The following PIGG variants were observed in gnomAD, a reference collection of about 807,000 sequenced individuals.
PIGG encodes phosphatidylinositol glycan anchor biosynthesis class G (EMM blood group).
In PIGG, 70 loss-of-function variants were observed where a neutral mutation model predicts 83.2. The ratio of observed to expected loss-of-function variants is 0.84; its 90% CI spans 0.69 to 1.03. The LOEUF is 1.03. PIGG is among the 50% of genes least tolerant of loss of function. PIGG has a pLI of 0.00. For synonymous variants in PIGG, 532 were observed against 519.5 expected (o/e 1.02, Z -0.33); for missense variants, 1,257 against 1,233.6 (o/e 1.02, Z -0.28).
At position 528,830 on chromosome 4, in the gene PIGG, T is replaced by G; in HGVS notation, c.2261+1600T>G. 1.6e-6 allele frequency: 1 copy of G among 608,330 alleles called. No homozygotes were observed. Among genetic ancestry groups the G allele is most frequent in the Non-Finnish European group, 2.1e-6 (1 of 485,504 alleles). The allele number at this position is 608,330 out of a possible 1,614,324, so 37.7% of individuals were successfully genotyped here. A position where few individuals can be genotyped will look rare whatever the true frequency, so the allele number is the denominator to read the frequency against. On this transcript the variant is annotated intron_variant, in intron 10 of 12. Coordinates refer to ENST00000453061, the MANE Select transcript of PIGG (RefSeq NM_001127178.3). This position sits in a 1 kb window ranked among gnomAD's most constrained non-coding sequence, Gnocchi z 4.8. ...TGCTAGTGTCCAGAACTAGCCAGTG[T>G]GCCTTTTCTTTCCACACGCACTGCC...
In PIGG at chr4:500,593, C is replaced by T. The variant is rs782124562; in HGVS notation, c.352C>T (p.Arg118Ter). The change falls in exon 2 of 13, where the codon CGA becomes TGA. Residue 118 changes from arginine to a stop codon, truncating the protein, a stop_gained. Transcript: ENST00000453061. LOFTEE classifies it high-confidence loss of function. ...AAAGCCACCTACAGTTACTATGCCT[C>T]GAATCAAGGTAAGTTTGCCTTAATG... ...EAKPPTVTMP[R>*]IKALMTGSLP... 29 of 1,595,230 alleles carry T rather than the reference C, an allele frequency of 1.8e-5. No homozygotes were observed. Among genetic ancestry groups the T allele is most frequent in the Non-Finnish European group, 2.4e-5 (28 of 1,162,988 alleles).
rs1727843012 is a variant in PIGG, at chr4:527,091, G to A, written c.2122G>A (p.Val708Ile). 6.2e-7 allele frequency: 1 copy of A among 1,613,968 alleles called. No individual in the cohort carries two copies. The highest frequency in any genetic ancestry group is 8.5e-7 in the Non-Finnish European group (1 of 1,179,962). The change falls in exon 10 of 13, where the codon GTT (valine) becomes ATT (isoleucine). Residue 708 changes from valine (V) to isoleucine (I), a missense_variant. Coordinates refer to ENST00000453061, the MANE Select transcript of PIGG (RefSeq NM_001127178.3). ...SVLAALSLLVVFVLVQRGCSP... is the reference protein window; with the variant it reads ...SVLAALSLLVIFVLVQRGCSP... The stretch of plus-strand genomic sequence containing the variant: ...CCTGGCTGCCCTCTCCCTCCTCGTA[G>A]TTTTTGTGCTGGTGCAGAGGGGGTG...
Position 539,307 on chromosome 4 carries a change from A to G in PIGG, c.2890A>G (p.Ile964Val), listed in dbSNP as rs371311001. ...TCTCTACGAGGGAATGCACCTGCTC[A>G]TTACAGCTGCTGTCTGTGTATTCTT... ...KLLYEGMHLL[I>V]TAAVCVFFTA... Residue 964 changes from isoleucine (I) to valine (V), a missense_variant, in exon 13 of 13, where the codon ATT (isoleucine) becomes GTT (valine). Coordinates refer to ENST00000453061, the MANE Select transcript of PIGG (RefSeq NM_001127178.3). The G allele has an allele frequency of 1.9e-6, 3 of 1,613,824 alleles. No homozygotes were observed. Among genetic ancestry groups the G allele is most frequent in the Non-Finnish European group, 2.5e-6 (3 of 1,179,700 alleles).
In PIGG at chr4:528,848, G is replaced by A. The variant is rs376088444; in HGVS notation, c.2262-1588G>A. ...GCCAGTGTGCCTTTTCTTTCCACAC[G>A]CACTGCCTGGTTCACCTTCTTCCTG... On this transcript the variant is annotated intron_variant, in intron 10 of 12. Coordinates refer to ENST00000453061, the MANE Select transcript of PIGG (RefSeq NM_001127178.3). The surrounding 1 kb of genome is among the most constrained non-coding windows in gnomAD (Gnocchi z 4.8). 6 of 400,384 alleles carry A rather than the reference G, an allele frequency of 1.5e-5. No individual in the cohort carries two copies. The highest frequency in any genetic ancestry group is 2.0e-4 in the South Asian group (2 of 9,832). 24.8% of individuals were successfully genotyped at this position (400,384 alleles called of 1,614,324 possible). A position where few individuals can be genotyped will look rare whatever the true frequency, so the allele number is the denominator to read the frequency against.
intron 10 of PIGG, among the ~76,000 whole-genome samples, chr4:529,536 G>C (rs1187640754): frequency 6.9e-6 from 1 of 144,776 alleles, no homozygotes; most frequent in East Asian, 1.9e-4. Context: ...TAAAAATTAC[G>C]ATTATTTTAA....
chr4:507,245 A>G (rs552153924), intron 3 of PIGG, among the ~76,000 whole-genome samples, 160 bp from the exon 4 acceptor site: 3 of 152,212 alleles, frequency 2.0e-5, no homozygotes, highest in African/African-American at 7.2e-5. Context: ...CAGCCTATTT[A>G]TTTATTTTTA....
intron 6 of PIGG, among the ~76,000 whole-genome samples, chr4:517,370 A>T (rs931193659): frequency 6.6e-6 from 1 of 152,104 alleles, no homozygotes; most frequent in African/African-American, 2.4e-5. Flanking sequence ...GTGCTGCGAT[A>T]TTGGGTACGA....
intron 12 of PIGG, among the ~76,000 whole-genome samples, chr4:537,678 G>T (rs1468322841): frequency 6.6e-6 from 1 of 152,198 alleles, no homozygotes; most frequent in African/African-American, 2.4e-5. Context: ...AGAGGCACCG[G>T]CCACCCACCG....
intron 4 of PIGG, 56 bp downstream of exon 4, chr4:507,649 A>G (rs1335760159): frequency 2.9e-5 from 41 of 1,432,430 alleles, no homozygotes; most frequent in Non-Finnish European, 3.5e-5. Flanking sequence ...GATGTTCCCT[A>G]GAATAAATGC....
intron 2 of PIGG, 142 bp downstream of exon 2, chr4:500,743 TGAAG>T (rs1235704193): frequency 1.4e-5 from 9 of 643,712 alleles, no homozygotes; most frequent in Middle Eastern, 4.2e-4. Context: ...AATAGAATGT[TGAAG>T]GAGCCTCACA....
At position 521,749 on chromosome 4, in the gene PIGG, G is replaced by C. The variant is rs1051773082; in HGVS notation, c.1422G>C (p.Leu474=). ...CACTGTCATCTCCTGGGTTTTCTCT[G>C]CTCTTTTATTTGGTGATCCTGGTTC... The part of the protein sequence containing the change: ...EVPLSSPGFS[L]LFYLVILVLS... Residue 474 remains leucine, a synonymous_variant, in exon 8 of 13, where the codon CTG becomes CTC. Coordinates refer to ENST00000453061, the MANE Select transcript of PIGG (RefSeq NM_001127178.3). The C allele has an allele frequency of 2.5e-6, 4 of 1,614,192 alleles. No individual in the cohort carries two copies. The highest frequency in any genetic ancestry group is 2.5e-6 in the Non-Finnish European group (3 of 1,180,032).
rs1393419439 is a variant in PIGG, at chr4:540,075, G to A, written c.*706G>A. ...CCAGCTACTCAGGTGGCTGAGGAAA[G>A]AGTATTGTTTCAGCCGAGTTCAAGG... is the stretch of plus-strand genomic sequence containing the variant. On this transcript the variant is annotated 3_prime_UTR_variant, in exon 13 of 13. Transcript: ENST00000453061. 1.3e-5 allele frequency: 2 copies of A among 152,258 alleles called. No homozygotes were observed. Among genetic ancestry groups the A allele is most frequent in the African/African-American group, 4.8e-5 (2 of 41,452 alleles). The allele number at this position is 152,258 out of a possible 1,614,324, so 9.4% of individuals were successfully genotyped here.
chr4:509,449 G>C lies in PIGG; in HGVS notation c.901+479G>C, dbSNP rs146716435. On this transcript the variant is annotated intron_variant, in intron 5 of 12. Transcript: ENST00000453061. ...CACACCCCACTCTGACCTGTGCCCA[G>C]ACTCAGCCGCCAGCCTATGCACTCT... 3.2e-3 allele frequency among the ~76,000 whole-genome samples: 480 copies of C among 152,292 alleles called. 5 individuals are homozygous for C. Among genetic ancestry groups the C allele is most frequent in the Non-Finnish European group, 1.2e-3 (84 of 68,012 alleles).
At chr4:516,288 T>A in intron 6 of PIGG, 103 bp downstream of exon 6, 1 of 740,816 alleles carries the variant, frequency 1.3e-6, no homozygotes, top group South Asian at 1.6e-5. Flanking sequence ...CACAGGAGTA[T>A]TTTTTCATCA....
At chr4:533,763 G>A in intron 11 of PIGG, 55 bp from the exon 12 acceptor site, 1 of 1,551,620 alleles carries the variant, frequency 6.4e-7, no homozygotes, top group Non-Finnish European at 8.9e-7. Context: ...CTAACATCGT[G>A]GCTGTTGATG....
At position 505,772 on chromosome 4, in the gene PIGG, TCTC is replaced by T. The variant is rs1553878684; in HGVS notation, c.418_420del (p.Pro140del). ...TGTCGACGTCATCAGGAACCTCAAT[TCTC>T]CTGCACTGCTGGAAGACAGTGTGAT... On this transcript the variant is annotated inframe_deletion, in exon 3 of 13. Coordinates refer to ENST00000453061, the MANE Select transcript of PIGG (RefSeq NM_001127178.3). 2 of 1,613,338 alleles carry T rather than the reference TCTC, an allele frequency of 1.2e-6. No homozygotes were observed. Among genetic ancestry groups the T allele is most frequent in the Admixed American group, 1.7e-5 (1 of 59,880 alleles).
chr4:504,510 A>G (rs1718916367), intron 2 of PIGG, among the ~76,000 whole-genome samples: 1 of 152,204 alleles, frequency 6.6e-6, no homozygotes, highest in African/African-American at 2.4e-5. Context: ...AAGTACTAAA[A>G]TGGTTGCTTT....
chr4:499,518 C>G (rs782352060), intron 1 of PIGG, 29 bp downstream of exon 1: 1 of 1,571,152 alleles, frequency 6.4e-7, no homozygotes, highest in South Asian at 1.1e-5. Context: ...CGTCTCCGCT[C>G]CCCTGACCCC....
At position 522,431 on chromosome 4, in the gene PIGG, C is replaced by T. The variant is rs1029376008; in HGVS notation, c.1614+490C>T. On this transcript the variant is annotated intron_variant, in intron 8 of 12. Coordinates refer to ENST00000453061, the MANE Select transcript of PIGG (RefSeq NM_001127178.3). Reference sequence around the variant, plus strand: ...ATCAGGTCCAGATTTCTTTCCAAGGCGGACGTTTTCTGTTGGAATTCTTAG... The same window carrying T: ...ATCAGGTCCAGATTTCTTTCCAAGGTGGACGTTTTCTGTTGGAATTCTTAG... The T allele has an allele frequency of 5.7e-5, 12 of 209,342 alleles. No individual in the cohort carries two copies. In the East Asian group the frequency reaches 7.3e-4, roughly 13 times the overall value. 13.0% of individuals were successfully genotyped at this position (209,342 alleles called of 1,614,324 possible). A position where few individuals can be genotyped will look rare whatever the true frequency, so the allele number is the denominator to read the frequency against.
Sources: allele counts gnomAD v4.1 joint callset (sites outside exome capture counted in the v4.1 genomes callset), GRCh38; gene constraint gnomAD v4.1.1; non-coding constraint Gnocchi (gnomAD v3.1); transcripts MANE v1.5; gene names NCBI Gene and HGNC (gene_info 2026-07-23, HGNC 2026-07-21).